Variants in ESRRG observed in about 807,000 individuals in gnomAD.
ESRRG encodes estrogen related receptor gamma, also known as estrogen-related receptor gamma.
In ESRRG, 13 loss-of-function variants were observed where a neutral mutation model predicts 44.0. That is an observed-to-expected ratio of 0.30 (90% CI 0.19 to 0.47). The LOEUF (loss-of-function observed/expected upper bound fraction) is 0.47. Among genes scored for constraint, ESRRG ranks in the 20% least tolerant of loss-of-function variants. The pLI is 1.00. For synonymous variants in ESRRG, 215 were observed against 214.6 expected, an observed-to-expected ratio of 1.00 and a Z score of -0.02; for missense variants, 395 against 580.6, an observed-to-expected ratio of 0.68 and a Z score of 3.29.
intron 2 of ESRRG, among the ~76,000 whole-genome samples, chr1:216,839,356 C>T (rs2095615491): frequency 6.6e-6 from 1 of 152,194 alleles, no homozygotes. Flanking sequence ...CCATTCTCTA[C>T]TGAAGTCTTG....
At chr1:216,808,586 C>T (rs535306155) in intron 2 of ESRRG, among the ~76,000 whole-genome samples, 5 of 152,076 alleles carry the variant, frequency 3.3e-5, no homozygotes, top group South Asian at 2.1e-4. Flanking sequence ...GTCACTCCAC[C>T]GGCTAATTTT....
chr1:216,657,620 A>G (rs1025592065), intron 2 of ESRRG, among the ~76,000 whole-genome samples: 3 of 152,152 alleles, frequency 2.0e-5, no homozygotes, highest in Non-Finnish European at 4.4e-5. Flanking sequence ...GAGGATTTCC[A>G]AAAATACTAT....
intron 5 of ESRRG, among the ~76,000 whole-genome samples, chr1:216,520,447 T>C (rs1476071237): frequency 6.6e-6 from 1 of 151,922 alleles, no homozygotes; most frequent in Non-Finnish European, 1.5e-5. Flanking sequence ...AGAAAACATA[T>C]GCAAAAAAAT....
chr1:216,749,729 G>A (rs556783902), intron 2 of ESRRG, among the ~76,000 whole-genome samples: 3 of 152,146 alleles, frequency 2.0e-5, no homozygotes, highest in Non-Finnish European at 2.9e-5. Flanking sequence ...ATGACAGATC[G>A]AAATCATTAC....
intron 1 of ESRRG, among the ~76,000 whole-genome samples, chr1:216,944,716 T>A (rs1311376751): frequency 6.6e-6 from 1 of 152,200 alleles, no homozygotes; most frequent in Non-Finnish European, 1.5e-5. Flanking sequence ...TAGACCAGTC[T>A]AATGTTCTAC....
chr1:216,577,051 G>A (rs1288749248), intron 3 of ESRRG, among the ~76,000 whole-genome samples: 1 of 151,898 alleles, frequency 6.6e-6, no homozygotes, highest in Non-Finnish European at 1.5e-5. Context: ...AGAAAGAAAA[G>A]GGGCATCCAG....
At chr1:217,017,478 C>CAAAAAAAA (rs55820027) in intron 1 of ESRRG, among the ~76,000 whole-genome samples, 8 of 82,496 alleles carry the variant, frequency 9.7e-5, no homozygotes, top group Non-Finnish European at 1.2e-4. Flanking sequence ...CTACATAACT[C>CAAAAAAAA]AAAAAAAAAA....
chr1:216,610,813 G>A (rs1196448682), intron 3 of ESRRG, among the ~76,000 whole-genome samples: 1 of 151,934 alleles, frequency 6.6e-6, no homozygotes, highest in Non-Finnish European at 1.5e-5. Context: ...TTATTCCTTA[G>A]AACAAACCTG....
At chr1:216,911,973 G>A (rs945603822) in intron 2 of ESRRG, among the ~76,000 whole-genome samples, 4 of 151,450 alleles carry the variant, frequency 2.6e-5, no homozygotes, top group African/African-American at 9.7e-5. Flanking sequence ...TACTCAGGAG[G>A]CTGAGGTGGG....
chr1:217,046,458 C>T (rs1043660298), intron 1 of ESRRG, among the ~76,000 whole-genome samples: 2 of 152,158 alleles, frequency 1.3e-5, no homozygotes, highest in Non-Finnish European at 2.9e-5. Context: ...AGATAACATT[C>T]AAGAATCTTC....
chr1:217,083,738 C>G (rs1337635490), intron 1 of ESRRG, among the ~76,000 whole-genome samples: 1 of 152,130 alleles, frequency 6.6e-6, no homozygotes, highest in Non-Finnish European at 1.5e-5. Flanking sequence ...AATGTTCATA[C>G]TAAATAGAAA....
intron 3 of ESRRG, among the ~76,000 whole-genome samples, chr1:216,596,471 G>A (rs534656769): frequency 2.0e-5 from 3 of 152,304 alleles, no homozygotes; most frequent in South Asian, 4.1e-4. Flanking sequence ...TTAAAGCGGA[G>A]CCATTATACT....
chr1:216,883,180 C>A (rs1403590530), intron 2 of ESRRG, among the ~76,000 whole-genome samples: 2 of 151,924 alleles, frequency 1.3e-5, no homozygotes, highest in Non-Finnish European at 2.9e-5. Context: ...GAGTTCGAGA[C>A]CAGCCTGGCC....
At chr1:216,813,484 A>G (rs1342747271) in intron 2 of ESRRG, among the ~76,000 whole-genome samples, 2 of 152,238 alleles carry the variant, frequency 1.3e-5, no homozygotes, top group Non-Finnish European at 2.9e-5. Flanking sequence ...TCGAATCTGT[A>G]TAATACAGAT....
intron 2 of ESRRG, among the ~76,000 whole-genome samples, chr1:216,854,798 A>G (rs1030884619): frequency 6.7e-6 from 1 of 149,496 alleles, no homozygotes; most frequent in Non-Finnish European, 1.5e-5. Context: ...TTATTTCTAC[A>G]GTGAAATTGT....
chr1:217,082,842 A>G (rs1225297074), intron 1 of ESRRG, among the ~76,000 whole-genome samples: 1 of 152,214 alleles, frequency 6.6e-6, no homozygotes, highest in Non-Finnish European at 1.5e-5. Flanking sequence ...TGATAAACTT[A>G]GAAGTACTGC....
At chr1:216,938,818 T>C (rs542454436) in intron 2 of ESRRG, among the ~76,000 whole-genome samples, 1 of 152,150 alleles carries the variant, frequency 6.6e-6, no homozygotes, top group Non-Finnish European at 1.5e-5. Context: ...TACAAACCCA[T>C]GTGAGGGTAT....
intron 2 of ESRRG, among the ~76,000 whole-genome samples, chr1:216,917,058 C>T (rs2061281897): frequency 6.6e-6 from 1 of 150,968 alleles, no homozygotes; most frequent in Admixed American, 6.6e-5. Context: ...TCAATTGAAC[C>T]TCTCTCTCTC....
chr1:217,093,275 C>G (rs1433744230), upstream of ESRRG, among the ~76,000 whole-genome samples: 3 of 152,102 alleles, frequency 2.0e-5, no homozygotes, highest in African/African-American at 7.2e-5. Flanking sequence ...AGGGTTGAAC[C>G]AGTCTCCAAG....
Sources: allele counts gnomAD v4.1 joint callset (sites outside exome capture counted in the v4.1 genomes callset), GRCh38; gene constraint gnomAD v4.1.1; transcripts MANE v1.5; gene names NCBI Gene and HGNC (gene_info 2026-07-23, HGNC 2026-07-21).